Variants in SERPINH1 observed in about 807,000 individuals in gnomAD.
The protein encoded by SERPINH1 is serpin family H member 1.
A neutral mutation model predicts 32.3 loss-of-function variants in SERPINH1; 22 were observed. The ratio of observed to expected loss-of-function variants is 0.68; its 90% CI spans 0.49 to 0.97. The LOEUF is 0.97. Ranked by LOEUF, SERPINH1 falls within the 50% of genes least tolerant of loss-of-function variation. The pLI is 0.00. For synonymous variants in SERPINH1, 251 were observed against 245.9 expected, an observed-to-expected ratio of 1.02 and a Z score of -0.19; for missense variants, 543 against 576.4, an observed-to-expected ratio of 0.94 and a Z score of 0.59.
intron 4 of SERPINH1, 131 bp downstream of exon 4, chr11:75,569,302 TG>T: frequency 1.5e-6 from 1 of 654,536 alleles, no homozygotes; most frequent in Non-Finnish European, 2.7e-6. Flanking sequence ...GGCTCTGTGA[TG>T]GGGGAAGCTG....
In SERPINH1 at chr11:75,565,022, A is replaced by C. The variant is rs546274267; in HGVS notation, c.-34-1294A>C. On this transcript the variant is annotated intron_variant, in intron 1 of 4. Coordinates refer to ENST00000358171, the MANE Select transcript of SERPINH1 (RefSeq NM_001235.5). ...CGCAGCCTCCACCAGGATTCCTTCT[A>C]TCCTTCCCTTTGCCCTGTCATCTCT... Among the ~76,000 whole-genome samples, 28 of 152,332 alleles carry C rather than the reference A, an allele frequency of 1.8e-4. 1 individual carries two copies. In the South Asian group the frequency reaches 5.8e-3, roughly 32 times the overall value.
intron 4 of SERPINH1, chr11:75,569,453 C>T (rs1009233250): frequency 6.7e-6 from 2 of 296,652 alleles, no homozygotes; most frequent in African/African-American, 4.3e-5. Flanking sequence ...GATGGAGTCT[C>T]ACTCTGTTGC....
chr11:75,568,529 G>A (rs1942133024), intron 2 of SERPINH1: 1 of 639,442 alleles, frequency 1.6e-6, no homozygotes, highest in African/African-American at 1.8e-5. Flanking sequence ...TCCTCAGATG[G>A]CATGTCCTGG....
intron 1 of SERPINH1, among the ~76,000 whole-genome samples, chr11:75,565,091 G>A (rs1942050285): frequency 6.6e-6 from 1 of 152,244 alleles, no homozygotes; most frequent in African/African-American, 2.4e-5. Context: ...GGCCCGAAGG[G>A]AGAGAGGGAG....
intron 2 of SERPINH1, 81 bp from the exon 3 acceptor site, chr11:75,568,650 G>A (rs1942135588): frequency 2.2e-6 from 2 of 898,862 alleles, no homozygotes; most frequent in Admixed American, 1.8e-5. Context: ...ATCAAGGTCT[G>A]CAGCCGGGGG....
intron 4 of SERPINH1, among the ~76,000 whole-genome samples, chr11:75,571,256 A>G (rs534455857): frequency 6.6e-5 from 10 of 152,262 alleles, no homozygotes; most frequent in Admixed American, 6.5e-4. Context: ...CCTGCATCTG[A>G]TTATTCTGAA....
chr11:75,567,048 G>T lies in SERPINH1; in HGVS notation c.622+77G>T. 9.5e-6 allele frequency: 14 copies of T among 1,467,826 alleles called. No homozygotes were observed. In the South Asian group the frequency reaches 1.5e-4, roughly 16 times the overall value. 90.9% of individuals were successfully genotyped at this position (1,467,826 alleles called of 1,614,324 possible). ...CAAGAGTTAGGACGACATTCCGTGCGCTCCATTCTTCACTGCCTCTCATTT... is the reference window on the plus strand; with the variant it reads ...CAAGAGTTAGGACGACATTCCGTGCTCTCCATTCTTCACTGCCTCTCATTT... On this transcript the variant is annotated intron_variant, in intron 2 of 4. Transcript: ENST00000358171.
At chr11:75,569,582 C>T (rs1180221683) in intron 4 of SERPINH1, among the ~76,000 whole-genome samples, 3 of 152,014 alleles carry the variant, frequency 2.0e-5, no homozygotes, top group Admixed American at 2.0e-4. Context: ...GCCACCACCC[C>T]CAGCTAATTT....
At chr11:75,568,375 A>C in intron 2 of SERPINH1, 2 of 374,620 alleles carry the variant, frequency 5.3e-6, no homozygotes, top group Non-Finnish European at 1.0e-5. Flanking sequence ...GGTACCAGGG[A>C]GGGTAGAAAG....
chr11:75,566,622 G>C lies in SERPINH1; in HGVS notation c.273G>C (p.Ser91=). ...TGGGCGGCAAGGCGACCACGGCGTC[G>C]CAGGCCAAGGCAGTGCTGAGCGCCG... The part of the protein sequence containing the change: ...VSLGGKATTA[S]QAKAVLSAEQ... The change falls in exon 2 of 5, where the codon TCG becomes TCC. Residue 91 remains serine (S), a synonymous_variant. Transcript: ENST00000358171. 6.2e-7 allele frequency: 1 copy of C among 1,607,486 alleles called. No individual in the cohort carries two copies. The highest frequency in any genetic ancestry group is 1.7e-5 in the Admixed American group (1 of 59,766).
At chr11:75,564,642 G>T (rs575743723) in intron 1 of SERPINH1, among the ~76,000 whole-genome samples, 11 of 152,308 alleles carry the variant, frequency 7.2e-5, no homozygotes, top group African/African-American at 2.2e-4. Context: ...AGCTGGGAGG[G>T]AGGTGTCTTG....
At position 75,569,040 on chromosome 11, in the gene SERPINH1, G is replaced by T. The variant is rs199679249; in HGVS notation, c.823G>T (p.Val275Leu). ...CCTCATCATCCTCATGCCCCATCAC[G>T]TGGAGCCTCTCGAGCGCCTTGAAAA... ...SSLIILMPHHVEPLERLEKLL... is the reference protein window; with the variant it reads ...SSLIILMPHHLEPLERLEKLL... The change falls in exon 4 of 5, where the codon GTG (valine) becomes TTG (leucine). Residue 275 changes from valine to leucine, a missense_variant. Val to Leu is a conservative substitution (Grantham distance 32). Around this residue, in one of 3 missense-constraint regions of SERPINH1, gnomAD observed 427 missense variants for 446.4 expected, o/e 0.96. Transcript: ENST00000358171. 41 of 1,614,062 alleles carry T rather than the reference G, an allele frequency of 2.5e-5. No homozygotes were observed. Among genetic ancestry groups the T allele is most frequent in the Non-Finnish European group, 3.4e-5 (40 of 1,180,004 alleles).
In SERPINH1 at chr11:75,569,056, G is replaced by A. The variant is rs370057420; in HGVS notation, c.839G>A (p.Arg280His). 3.2e-5 allele frequency: 52 copies of A among 1,614,208 alleles called. No homozygotes were observed. Among genetic ancestry groups the A allele is most frequent in the Middle Eastern group, 3.3e-4 (2 of 6,062 alleles). The part of the protein sequence containing the change: ...LMPHHVEPLE[R>H]LEKLLTKEQL... ...CCCCATCACGTGGAGCCTCTCGAGC[G>A]CCTTGAAAAGCTGCTAACCAAAGAG... The change falls in exon 4 of 5, where the codon CGC becomes CAC. Residue 280 changes from arginine to histidine, a missense_variant. Around this residue, in one of 3 missense-constraint regions of SERPINH1, gnomAD observed 427 missense variants for 446.4 expected, o/e 0.96. Coordinates refer to ENST00000358171, the MANE Select transcript of SERPINH1 (RefSeq NM_001235.5).
rs971070606 is a variant in SERPINH1 at position 75,571,936 on chromosome 11, C to A, written c.1110C>A (p.Ile370=). 1.6e-5 allele frequency: 26 copies of A among 1,614,228 alleles called. No individual in the cohort carries two copies. The East Asian group carries it at 5.1e-4, about 32-fold the overall frequency. The change falls in exon 5 of 5, where the codon ATC becomes ATA. Residue 370 remains isoleucine, a synonymous_variant. Coordinates refer to ENST00000358171, the MANE Select transcript of SERPINH1 (RefSeq NM_001235.5). ...DTDGNPFDQD[I]YGREELRSPK... The stretch of plus-strand genomic sequence containing the variant: ...ATGGCAACCCCTTTGACCAGGACAT[C>A]TACGGGCGCGAGGAGCTGCGCAGCC...
intron 4 of SERPINH1, among the ~76,000 whole-genome samples, chr11:75,569,590 T>C (rs1176609079): frequency 1.3e-5 from 2 of 151,992 alleles, no homozygotes; most frequent in East Asian, 3.9e-4. Flanking sequence ...CCCCAGCTAA[T>C]TTTTGTATTT....
chr11:75,568,479 A>C, intron 2 of SERPINH1: 1 of 537,754 alleles, frequency 1.9e-6, no homozygotes, highest in South Asian at 1.9e-5. Context: ...TTAATTCTCT[A>C]TCATATGGGA....
rs149585133 is a variant in SERPINH1 at position 75,569,057 on chromosome 11, C to T, written c.840C>T (p.Arg280=). The T allele has an allele frequency of 1.7e-4, 277 of 1,614,234 alleles. No homozygotes were observed. The highest frequency in any genetic ancestry group is 2.3e-4 in the Non-Finnish European group (267 of 1,180,034). ...CCCATCACGTGGAGCCTCTCGAGCG[C>T]CTTGAAAAGCTGCTAACCAAAGAGC... The part of the protein sequence containing the change: ...LMPHHVEPLE[R]LEKLLTKEQL... Residue 280 remains arginine, a synonymous_variant, in exon 4 of 5, where the codon CGC becomes CGT. Coordinates refer to ENST00000358171, the MANE Select transcript of SERPINH1 (RefSeq NM_001235.5).
chr11:75,565,496 C>T (rs929590507), intron 1 of SERPINH1, among the ~76,000 whole-genome samples: 13 of 152,168 alleles, frequency 8.5e-5, no homozygotes, highest in South Asian at 2.1e-4. Context: ...ATTTCCCATC[C>T]GCACTGGGAG....
At position 75,566,718 on chromosome 11, in the gene SERPINH1, G is replaced by T. The variant is rs774225813; in HGVS notation, c.369G>T (p.Ala123=). The T allele has an allele frequency of 1.2e-6, 2 of 1,612,448 alleles. No individual in the cohort carries two copies. Among genetic ancestry groups the T allele is most frequent in the East Asian group, 2.2e-5 (1 of 44,866 alleles). Residue 123 remains alanine (A), a synonymous_variant, in exon 2 of 5, where the codon GCG becomes GCT. Transcript: ENST00000358171. The stretch of plus-strand genomic sequence containing the variant: ...TGCGCTCACTCAGCAACTCCACGGC[G>T]CGCAACGTGACCTGGAAGCTGGGCA... ...ELLRSLSNST[A]RNVTWKLGSR... is the part of the protein sequence containing the mutation.
Sources: allele counts gnomAD v4.1 joint callset (sites outside exome capture counted in the v4.1 genomes callset), GRCh38; gene constraint gnomAD v4.1.1; regional missense constraint gnomAD v4.1.1; transcripts MANE v1.5; gene names NCBI Gene and HGNC (gene_info 2026-07-23, HGNC 2026-07-21).